The following EFCAB3 variants were observed in gnomAD, a reference collection of about 807,000 sequenced individuals.
EFCAB3 encodes EF-hand calcium binding domain 3.
A neutral mutation model predicts 42.2 loss-of-function variants in EFCAB3; 36 were observed. That is an observed-to-expected ratio of 0.85 (90% confidence interval 0.65 to 1.13). The LOEUF is 1.13. EFCAB3 is among the 50% of genes most tolerant of loss of function. EFCAB3 has a pLI of 0.00. For missense variants in EFCAB3, 418 were observed against 505.1 expected, an observed-to-expected ratio of 0.83 and a Z score of 1.65; for synonymous variants, 170 against 172.8, an observed-to-expected ratio of 0.98 and a Z score of 0.13.
At chr17:62,386,888 A>G (rs567616871) in intron 2 of EFCAB3, among the ~76,000 whole-genome samples, 3 of 152,228 alleles carry the variant, frequency 2.0e-5, no homozygotes, top group African/African-American at 7.2e-5. Flanking sequence ...TCCCAGGCAC[A>G]AGCAATCCTC....
At chr17:62,413,360 T>C (rs913186062) in intron 8 of EFCAB3, among the ~76,000 whole-genome samples, 7 of 152,206 alleles carry the variant, frequency 4.6e-5, no homozygotes, top group African/African-American at 1.7e-4. Flanking sequence ...TATTTATCTT[T>C]TCATATTATA....
intron 1 of EFCAB3, among the ~76,000 whole-genome samples, chr17:62,372,533 C>T (rs377338091): frequency 1.7e-4 from 24 of 144,918 alleles, no homozygotes; most frequent in African/African-American, 6.2e-4. Flanking sequence ...CTGCCTGCCT[C>T]AGCCTCCCAA....
In EFCAB3 at chr17:62,372,419, C is replaced by G. The variant is rs113987806; in HGVS notation, c.35-1395C>G. On this transcript the variant is annotated intron_variant, in intron 1 of 11. Coordinates refer to the EFCAB3 transcript ENST00000450662. ...ACCTCAGCCTCCCAAGAAGCTGGGA[C>G]TACAGGCACACACCACCATGCCCAG... is the stretch of plus-strand genomic sequence containing the variant. 8.2e-3 allele frequency among the ~76,000 whole-genome samples: 1,242 copies of G among 151,938 alleles called. 5 individuals carry two copies. The highest frequency in any genetic ancestry group is 0.012 in the Non-Finnish European group (813 of 67,946).
chr17:62,375,959 A>C (rs1171079426), upstream of EFCAB3, among the ~76,000 whole-genome samples: 1 of 151,838 alleles, frequency 6.6e-6, no homozygotes, highest in Non-Finnish European at 1.5e-5. Context: ...TCTCTTTATC[A>C]AACATATACA....
intron 5 of EFCAB3, 60 bp from the exon 6 acceptor site, chr17:62,395,008 G>A: frequency 1.3e-6 from 2 of 1,584,006 alleles, no homozygotes; most frequent in East Asian, 2.2e-5. Context: ...CAGTAAAGAG[G>A]TGGTCAATTT....
intron 6 of EFCAB3, among the ~76,000 whole-genome samples, chr17:62,403,680 C>T (rs1363949104): frequency 6.6e-6 from 1 of 152,166 alleles, no homozygotes; most frequent in Non-Finnish European, 1.5e-5. Flanking sequence ...TCTCTTATCT[C>T]CCAGGCTAGA....
chr17:62,395,072 A>G lies in EFCAB3; in HGVS notation c.372A>G (p.Pro124=). Reference sequence around the variant, plus strand: ...TCTTTTGTTTTCCCTCCATAGTTCCAGAAAAGGAGACCTGTTTAGATTTGG... The same window carrying G: ...TCTTTTGTTTTCCCTCCATAGTTCCGGAAAAGGAGACCTGTTTAGATTTGG... ...DKNLFLKAVV[P]EKETCLDLAG... is the part of the protein sequence containing the mutation. Residue 124 remains proline (P), a synonymous_variant, in exon 6 of 10, where the codon CCA becomes CCG. Coordinates refer to ENST00000305286, the MANE Select transcript of EFCAB3 (RefSeq NM_173503.4). The G allele has an allele frequency of 1.2e-6, 2 of 1,613,710 alleles. No individual in the cohort carries two copies. Among genetic ancestry groups the G allele is most frequent in the East Asian group, 2.2e-5 (1 of 44,872 alleles).
In EFCAB3 at chr17:62,416,381, C is replaced by A. The variant is rs760220149; in HGVS notation, c.*52C>A. On this transcript the variant is annotated 3_prime_UTR_variant, in exon 10 of 10. Coordinates refer to ENST00000305286, the MANE Select transcript of EFCAB3 (RefSeq NM_173503.4). ...TCACAAACTACTTTTTCATAGTTAT[C>A]AAAATTATTGTTTCTTGCTTTTGTC... is the stretch of plus-strand genomic sequence containing the variant. 4 of 1,339,100 alleles carry A rather than the reference C, an allele frequency of 3.0e-6. No individual in the cohort carries two copies. The highest frequency in any genetic ancestry group is 1.5e-5 in the South Asian group (1 of 67,124). The allele number at this position is 1,339,100 out of a possible 1,614,324, so 83.0% of individuals were successfully genotyped here. A position where few individuals can be genotyped will look rare whatever the true frequency, so the allele number is the denominator to read the frequency against.
At chr17:62,412,780 C>A (rs1457168703) in intron 8 of EFCAB3, among the ~76,000 whole-genome samples, 4 of 147,202 alleles carry the variant, frequency 2.7e-5, no homozygotes, top group Non-Finnish European at 5.9e-5. Context: ...AAAAAAAAGT[C>A]TCAATTATTA....
chr17:62,377,773 A>G (rs1197648394), upstream of EFCAB3, among the ~76,000 whole-genome samples: 1 of 152,104 alleles, frequency 6.6e-6, no homozygotes, highest in Non-Finnish European at 1.5e-5. Flanking sequence ...GTGCTTTTCA[A>G]TTTTTGCTTT....
intron 8 of EFCAB3, among the ~76,000 whole-genome samples, chr17:62,412,912 T>C (rs933959256): frequency 2.0e-5 from 3 of 152,120 alleles, no homozygotes; most frequent in Admixed American, 6.6e-5. Flanking sequence ...AGGAAAATGA[T>C]AGATTATTCA....
chr17:62,392,000 A>G (rs758328536), intron 4 of EFCAB3, 35 bp downstream of exon 4: 38 of 1,567,068 alleles, frequency 2.4e-5, no homozygotes, highest in Non-Finnish European at 3.3e-5. Flanking sequence ...TTTTCTCATA[A>G]AAGATTTTTG....
At chr17:62,390,360 C>T (rs759584861) in intron 3 of EFCAB3, among the ~76,000 whole-genome samples, 5 of 152,192 alleles carry the variant, frequency 3.3e-5, no homozygotes, top group Admixed American at 1.3e-4. Flanking sequence ...TTATTTGCAG[C>T]GCAGAGAGAA....
intron 2 of EFCAB3, among the ~76,000 whole-genome samples, chr17:62,383,355 T>C (rs954092442): frequency 6.6e-6 from 1 of 152,074 alleles, no homozygotes; most frequent in Non-Finnish European, 1.5e-5. Context: ...GCGCCTGTGG[T>C]GCCAGCTACT....
Position 62,392,112 on chromosome 17 carries a change from G to A in EFCAB3, c.295+147G>A, listed in dbSNP as rs555402598. 5 of 415,736 alleles carry A rather than the reference G, an allele frequency of 1.2e-5. No homozygotes were observed. The East Asian group carries it at 2.8e-4, about 24-fold the overall frequency. 25.8% of individuals were successfully genotyped at this position (415,736 alleles called of 1,614,324 possible). Reference sequence around the variant, plus strand: ...TATATTTGTGTGTATATATATATTTGTATATGTTAAATATATATATACACA... The same window carrying A: ...TATATTTGTGTGTATATATATATTTATATATGTTAAATATATATATACACA... On this transcript the variant is annotated intron_variant, in intron 4 of 9. Transcript: ENST00000305286.
chr17:62,392,695 T>C (rs1294260036), intron 4 of EFCAB3, among the ~76,000 whole-genome samples: 1 of 152,100 alleles, frequency 6.6e-6, no homozygotes, highest in East Asian at 1.9e-4. Flanking sequence ...TGGAGTGCAG[T>C]GGCGCAATCT....
chr17:62,386,365 A>G (rs1471000214), intron 2 of EFCAB3, among the ~76,000 whole-genome samples: 3 of 152,134 alleles, frequency 2.0e-5, no homozygotes, highest in Non-Finnish European at 4.4e-5. Context: ...CAGGGTTTCA[A>G]ATTTTCAGAG....
At chr17:62,410,350 C>T (rs376192791) in intron 8 of EFCAB3, among the ~76,000 whole-genome samples, 3 of 152,070 alleles carry the variant, frequency 2.0e-5, no homozygotes, top group African/African-American at 2.4e-5. Flanking sequence ...GGTGAAACCC[C>T]GTCTCTACAA....
chr17:62,370,452 C>T (rs926149685), intron 1 of EFCAB3: 16 of 844,830 alleles, frequency 1.9e-5, no homozygotes, highest in Non-Finnish European at 2.3e-5. Context: ...GTCAGGAGTT[C>T]GAGACTAGCC....
Sources: allele counts gnomAD v4.1 joint callset (sites outside exome capture counted in the v4.1 genomes callset), GRCh38; gene constraint gnomAD v4.1.1; transcripts MANE v1.5; gene names NCBI Gene and HGNC (gene_info 2026-07-23, HGNC 2026-07-21).